The following BMP3 variants were observed in gnomAD, a reference collection of about 807,000 sequenced individuals.
BMP3 encodes bone morphogenetic protein 3 (osteogenic).
In BMP3, 23 loss-of-function variants were observed where a neutral mutation model predicts 38.1. That is an observed-to-expected ratio of 0.60 (90% CI 0.43 to 0.86). The LOEUF (loss-of-function observed/expected upper bound fraction) is 0.86. BMP3 is among the 40% of genes least tolerant of loss of function. The pLI is 0.00. For missense variants in BMP3, 628 were observed against 579.6 expected, an observed-to-expected ratio of 1.08 and a Z score of -0.86; for synonymous variants, 258 against 225.7, an observed-to-expected ratio of 1.14 and a Z score of -1.28.
At chr4:81,049,889 T>G (rs1009519748) in intron 2 of BMP3, among the ~76,000 whole-genome samples, 6 of 152,170 alleles carry the variant, frequency 3.9e-5, no homozygotes, top group Admixed American at 3.9e-4. Flanking sequence ...ACTTTAGATA[T>G]AGTTTTTGCC....
intron 2 of BMP3, among the ~76,000 whole-genome samples, chr4:81,052,894 T>C (rs1367200069): frequency 6.6e-6 from 1 of 152,194 alleles, no homozygotes; most frequent in Non-Finnish European, 1.5e-5. Context: ...TTGATTAATG[T>C]AGGGTCAATA....
rs796577903 is a variant in BMP3, at chr4:81,031,682, C to T, written c.316+82C>T. 6.3e-6 allele frequency: 9 copies of T among 1,435,218 alleles called. No homozygotes were observed. In the South Asian group the frequency reaches 1.2e-4, roughly 18 times the overall value. The allele number at this position is 1,435,218 out of a possible 1,614,324, so 88.9% of individuals were successfully genotyped here. A position where few individuals can be genotyped will look rare whatever the true frequency, so the allele number is the denominator to read the frequency against. Reference sequence around the variant, plus strand: ...ACCCCCCACAGCTTCCTTGTCTGCCCCTTGCTTGGTGGCGCTGCCTAGGGA... The same window carrying T: ...ACCCCCCACAGCTTCCTTGTCTGCCTCTTGCTTGGTGGCGCTGCCTAGGGA... On this transcript the variant is annotated intron_variant, in intron 1 of 2. Coordinates refer to ENST00000282701, the MANE Select transcript of BMP3 (RefSeq NM_001201.5).
rs371782688 is a variant in BMP3, at chr4:81,031,335, G to A, written c.51G>A (p.Val17=). 6.2e-7 allele frequency: 1 copy of A among 1,611,290 alleles called. No individual in the cohort carries two copies. Among genetic ancestry groups the A allele is most frequent in the African/African-American group, 1.3e-5 (1 of 74,900 alleles). ...TTCTGTGGCTGGGCTGCTTCTGCGT[G>A]AGCCTGGCGCAGGGAGAGAGACCGA... The part of the protein sequence containing the change: ...LLFLWLGCFC[V]SLAQGERPKP... Residue 17 remains valine (V), a synonymous_variant, in exon 1 of 3, where the codon GTG becomes GTA. Transcript: ENST00000282701.
chr4:81,039,423 G>T (rs1352578380), intron 1 of BMP3, among the ~76,000 whole-genome samples: 1 of 152,040 alleles, frequency 6.6e-6, no homozygotes, highest in African/African-American at 2.4e-5. Context: ...CCTTGCAAAC[G>T]TTCTGTGTGG....
At position 81,046,554 on chromosome 4, in the gene BMP3, A is replaced by C; in HGVS notation, c.1133A>C (p.Asp378Ala). 1 of 1,614,178 alleles carries C rather than the reference A, an allele frequency of 6.2e-7. No homozygotes were observed. The highest frequency in any genetic ancestry group is 8.5e-7 in the Non-Finnish European group (1 of 1,180,022). ...TGCGCCAGGAGATACCTCAAGGTAG[A>C]CTTTGCAGATATTGGCTGGAGTGAA... ...RNCARRYLKV[D>A]FADIGWSEWI... The change falls in exon 2 of 3, where the codon GAC (aspartate) becomes GCC (alanine). Residue 378 changes from aspartate (D) to alanine (A), a missense_variant. Coordinates refer to ENST00000282701, the MANE Select transcript of BMP3 (RefSeq NM_001201.5).
chr4:81,046,536 G>A lies in BMP3; in HGVS notation c.1115G>A (p.Arg372Lys), dbSNP rs1740253794. 2 of 1,614,036 alleles carry A rather than the reference G, an allele frequency of 1.2e-6. No homozygotes were observed. The change falls in exon 2 of 3, where the codon AGG (arginine) becomes AAG (lysine). Residue 372 changes from arginine (R) to lysine (K), a missense_variant. Physicochemically the swap from Arg to Lys is conservative, Grantham distance 26. Transcript: ENST00000282701. The part of the protein sequence containing the change: ...KQWIEPRNCA[R>K]RYLKVDFADI... ...TGGATTGAACCTCGGAATTGCGCCA[G>A]GAGATACCTCAAGGTAGACTTTGCA... is the stretch of plus-strand genomic sequence containing the variant.
In BMP3 at chr4:81,054,123, G is replaced by C. The variant is rs1740481866; in HGVS notation, c.*587G>C. 6.6e-6 allele frequency: 1 copy of C among 152,602 alleles called. No homozygotes were observed. The highest frequency in any genetic ancestry group is 1.5e-5 in the Non-Finnish European group (1 of 68,032). 9.5% of individuals were successfully genotyped at this position (152,602 alleles called of 1,614,324 possible). Reference sequence around the variant, plus strand: ...ATGTGCGTACATGCGCCAGGTGCCTGTGCCCTCTGTAGGATGGTTTGCTTA... The same window carrying C: ...ATGTGCGTACATGCGCCAGGTGCCTCTGCCCTCTGTAGGATGGTTTGCTTA... On this transcript the variant is annotated 3_prime_UTR_variant, in exon 3 of 3. Coordinates refer to ENST00000282701, the MANE Select transcript of BMP3 (RefSeq NM_001201.5).
rs5859748 is a variant in BMP3, at chr4:81,032,194, C to CAAAAAAAAAAAAAAAAAA, written c.316+603_316+620dup. Among the ~76,000 whole-genome samples the CAAAAAAAAAAAAAAAAAA allele has an allele frequency of 3.9e-4, 29 of 74,040 alleles. 4 individuals are homozygous for CAAAAAAAAAAAAAAAAAA. Among genetic ancestry groups the CAAAAAAAAAAAAAAAAAA allele is most frequent in the African/African-American group, 1.4e-3 (29 of 20,698 alleles). 48.6% of individuals were successfully genotyped at this position (74,040 alleles called of 152,430 possible). A position where few individuals can be genotyped will look rare whatever the true frequency, so the allele number is the denominator to read the frequency against. ...ACTTTACTTGATAGTTCCTTAGTGG[C>CAAAAAAAAAAAAAAAAAA]AAAAAAAAAAAAAAAAAAAAAAAAA... On this transcript the variant is annotated intron_variant, in intron 1 of 2. Transcript: ENST00000282701.
chr4:81,043,589 A>ATTTTT (rs1560511859), intron 1 of BMP3, among the ~76,000 whole-genome samples: 2 of 18,674 alleles, frequency 1.1e-4, no homozygotes, highest in Non-Finnish European at 2.9e-4. Flanking sequence ...AGCATACTAC[A>ATTTTT]ATTTTTTTTT....
chr4:81,035,612 A>G (rs1313875192), intron 1 of BMP3, among the ~76,000 whole-genome samples: 1 of 152,072 alleles, frequency 6.6e-6, no homozygotes, highest in Non-Finnish European at 1.5e-5. Context: ...ATGGAAGCAG[A>G]AGCAAGTACT....
At position 81,047,716 on chromosome 4, in the gene BMP3, C is replaced by T. The variant is rs191452417; in HGVS notation, c.1227+1068C>T. On this transcript the variant is annotated intron_variant, in intron 2 of 2. Coordinates refer to ENST00000282701, the MANE Select transcript of BMP3 (RefSeq NM_001201.5). Reference sequence around the variant, plus strand: ...TTATGCATCTCTAAAATAGCGTTTTCATGTTCTAGCCAAGTGTAGCACTTG... The same window carrying T: ...TTATGCATCTCTAAAATAGCGTTTTTATGTTCTAGCCAAGTGTAGCACTTG... Among the ~76,000 whole-genome samples the T allele has an allele frequency of 2.4e-4, 37 of 152,160 alleles. No individual in the cohort carries two copies. In the East Asian group the frequency reaches 6.8e-3, roughly 28 times the overall value.
rs1489227823 is a variant in BMP3 at position 81,055,738 on chromosome 4, A to C, written c.*2202A>C. On this transcript the variant is annotated 3_prime_UTR_variant, in exon 3 of 3. Coordinates refer to ENST00000282701, the MANE Select transcript of BMP3 (RefSeq NM_001201.5). Reference sequence around the variant, plus strand: ...CTGTTTATTACCTTTCTTAATTTGAATCAATGCCTAGTTATTACAGATTGC... The same window carrying C: ...CTGTTTATTACCTTTCTTAATTTGACTCAATGCCTAGTTATTACAGATTGC... The C allele has an allele frequency of 6.6e-6, 1 of 152,132 alleles. No homozygotes were observed. Among genetic ancestry groups the C allele is most frequent in the African/African-American group, 2.4e-5 (1 of 41,432 alleles). 9.4% of individuals were successfully genotyped at this position (152,132 alleles called of 1,614,324 possible).
Position 81,054,152 on chromosome 4 carries a change from T to C in BMP3, c.*616T>C, listed in dbSNP as rs1373762270. ...CCTCTGTAGGATGGTTTGCTTAATA[T>C]GGTTTTATAATTCAGTTTACACAGG... On this transcript the variant is annotated 3_prime_UTR_variant, in exon 3 of 3. Transcript: ENST00000282701. The C allele has an allele frequency of 1.3e-5, 2 of 152,604 alleles. No individual in the cohort carries two copies. The highest frequency in any genetic ancestry group is 4.8e-5 in the African/African-American group (2 of 41,432). 9.5% of individuals were successfully genotyped at this position (152,604 alleles called of 1,614,324 possible). A position where few individuals can be genotyped will look rare whatever the true frequency, so the allele number is the denominator to read the frequency against.
chr4:81,052,073 G>A, intron 2 of BMP3, among the ~76,000 whole-genome samples: 1 of 150,434 alleles, frequency 6.6e-6, no homozygotes, highest in Non-Finnish European at 1.5e-5. Flanking sequence ...TACCCTTAAA[G>A]TTTTAACTTG....
Position 81,053,615 on chromosome 4 carries a change from T to TG in BMP3, c.*79_*80insG. On this transcript the variant is annotated 3_prime_UTR_variant, in exon 3 of 3. Coordinates refer to ENST00000282701, the MANE Select transcript of BMP3 (RefSeq NM_001201.5). ...GACTTCTTCCTGTTTTTTTTTTTTT[T>TG]TTTTTTGCACTGCCAATGCATTTTG... 2 of 786,882 alleles carry TG rather than the reference T, an allele frequency of 2.5e-6. No homozygotes were observed. The highest frequency in any genetic ancestry group is 3.6e-6 in the Non-Finnish European group (2 of 553,836). 48.7% of individuals were successfully genotyped at this position (786,882 alleles called of 1,614,324 possible). A position where few individuals can be genotyped will look rare whatever the true frequency, so the allele number is the denominator to read the frequency against.
chr4:81,045,280 G>C (rs1394387516), intron 1 of BMP3, among the ~76,000 whole-genome samples: 2 of 151,722 alleles, frequency 1.3e-5, no homozygotes, highest in Non-Finnish European at 2.9e-5. Flanking sequence ...TCTATTCAAG[G>C]CATTTTCCCA....
In BMP3 at chr4:81,056,480, G is replaced by T. The variant is rs1740572748; in HGVS notation, c.*2944G>T. On this transcript the variant is annotated 3_prime_UTR_variant, in exon 3 of 3. Coordinates refer to ENST00000282701, the MANE Select transcript of BMP3 (RefSeq NM_001201.5). ...GCCTCCTGAGTAGCTGGGATTACAG[G>T]TGTCCGCCACCATGCCTGGCTAATT... 1 of 152,328 alleles carries T rather than the reference G, an allele frequency of 6.6e-6. No homozygotes were observed. 9.4% of individuals were successfully genotyped at this position (152,328 alleles called of 1,614,324 possible).
chr4:81,045,798 A>T lies in BMP3; in HGVS notation c.377A>T (p.Asn126Ile). The change falls in exon 2 of 3, where the codon AAC (asparagine) becomes ATC (isoleucine). Residue 126 changes from asparagine (N) to isoleucine (I), a missense_variant. Transcript: ENST00000282701. ...CTGACATCGCTAACCAAGTCTGAAA[A>T]CATTTTGTCTGCCACACTGTATTTC... Reference protein sequence around the residue: ...FNLTSLTKSENILSATLYFCI... With the variant: ...FNLTSLTKSEIILSATLYFCI... 6.2e-7 allele frequency: 1 copy of T among 1,613,632 alleles called. No individual in the cohort carries two copies. The highest frequency in any genetic ancestry group is 8.5e-7 in the Non-Finnish European group (1 of 1,179,862).
intron 1 of BMP3, among the ~76,000 whole-genome samples, chr4:81,043,380 G>C (rs920401675): frequency 6.6e-6 from 1 of 151,950 alleles, no homozygotes; most frequent in Non-Finnish European, 1.5e-5. Context: ...TGGAAGTATG[G>C]GTGAACAATT....
Sources: gnomAD v4.1 joint callset for allele counts (sites outside exome capture counted in the v4.1 genomes callset) on GRCh38, gnomAD v4.1.1 for gene constraint, MANE v1.5 for transcripts, NCBI Gene and HGNC (gene_info 2026-07-23, HGNC 2026-07-21) for gene names.